The following LSM4 variants were observed in gnomAD, a reference collection of about 807,000 sequenced individuals.
LSM4 encodes the protein LSM4 homolog, U6 small nuclear RNA and mRNA degradation associated.
In LSM4, 15 loss-of-function variants were observed where a neutral mutation model predicts 22.3. The observed-to-expected ratio is 0.67, with a 90% CI of 0.45 to 1.03. The LOEUF (loss-of-function observed/expected upper bound fraction) is 1.03, where lower values mean the gene tolerates loss of function less well. Among genes scored for constraint, LSM4 ranks in the 50% least tolerant of loss-of-function variants. The probability of loss-of-function intolerance (pLI) is 0.00; values close to 1 mark genes in which losing one functional copy is unlikely to be tolerated. For synonymous variants in LSM4, 90 were observed against 79.8 expected (o/e 1.13, Z -0.68); for missense variants, 127 against 198.0 (o/e 0.64, Z 2.15).
intron 1 of LSM4, among the ~76,000 whole-genome samples, chr19:18,322,534 A>G (rs1475888653): frequency 6.6e-6 from 1 of 152,126 alleles, no homozygotes; most frequent in East Asian, 1.9e-4. Flanking sequence ...TCAGCCAGAA[A>G]CCAAGAGGCC....
intron 3 of LSM4, among the ~76,000 whole-genome samples, chr19:18,311,840 G>A (rs550784294): frequency 3.9e-5 from 6 of 152,260 alleles, no homozygotes; most frequent in East Asian, 3.9e-4. Context: ...AGGAAGAAGC[G>A]CCTCCCCCCT....
chr19:18,316,039 A>T lies in LSM4; in HGVS notation c.30T>A (p.Ala10=). MLPLSLLKT[A]QNHPMLVELK... The stretch of plus-strand genomic sequence containing the variant: ...GAGTACTCACCATGGGGTGATTCTG[A>T]GCCGTCTTCAGCAGTGACAAGGGAA... The change falls in exon 2 of 5, where the codon GCT becomes GCA. Residue 10 remains alanine (A), a synonymous_variant. Transcript: ENST00000593829. 6.2e-7 allele frequency: 1 copy of T among 1,613,648 alleles called. No homozygotes were observed. Among genetic ancestry groups the T allele is most frequent in the Non-Finnish European group, 8.5e-7 (1 of 1,179,780 alleles).
intron 2 of LSM4, among the ~76,000 whole-genome samples, chr19:18,314,510 C>T (rs1250956330): frequency 6.6e-6 from 1 of 151,096 alleles, no homozygotes; most frequent in Non-Finnish European, 1.5e-5. Flanking sequence ...GAGCTAGACT[C>T]CCTCTCAAAA....
At chr19:18,311,474 C>T (rs183766742) in intron 3 of LSM4, among the ~76,000 whole-genome samples, 3 of 152,312 alleles carry the variant, frequency 2.0e-5, no homozygotes, top group African/African-American at 7.2e-5. Flanking sequence ...CTGGAGACCA[C>T]GCAGCCTCTG....
intron 3 of LSM4, among the ~76,000 whole-genome samples, chr19:18,310,601 GGGCCA>G (rs1234337633): frequency 5.9e-5 from 9 of 152,240 alleles, no homozygotes; most frequent in African/African-American, 2.2e-4. Context: ...GGATTAGCAG[GGGCCA>G]GGGCCATTCC....
chr19:18,321,464 C>A (rs373892469), intron 1 of LSM4, among the ~76,000 whole-genome samples: 7 of 152,134 alleles, frequency 4.6e-5, no homozygotes, highest in African/African-American at 1.7e-4. Context: ...TTTGCTTATT[C>A]CTAGGTATAG....
Position 18,309,799 on chromosome 19 carries a change from C to T in LSM4, c.207G>A (p.Leu69=). 1 of 1,613,966 alleles carries T rather than the reference C, an allele frequency of 6.2e-7. No individual in the cohort carries two copies. Among genetic ancestry groups the T allele is most frequent in the Non-Finnish European group, 8.5e-7 (1 of 1,179,932 alleles). The change falls in exon 4 of 5, where the codon CTG becomes CTA. Residue 69 remains leucine (L), a synonymous_variant. Transcript: ENST00000593829. ...TGTCGATGATCTCGTCGGGGATGCG[C>T]AGGTACTTGATGGTGCTGCCGCGGA... is the stretch of plus-strand genomic sequence containing the variant. ...CYIRGSTIKY[L]RIPDEIIDMV...
intron 2 of LSM4, among the ~76,000 whole-genome samples, chr19:18,315,339 G>T (rs1433260737): frequency 6.6e-6 from 1 of 152,092 alleles, no homozygotes; most frequent in East Asian, 1.9e-4. Flanking sequence ...ATGGAGAGAC[G>T]TGGTTTCTCC....
Position 18,314,516 on chromosome 19 carries a change from CA to C in LSM4, c.45+1507del, listed in dbSNP as rs55809008. 0.021 allele frequency among the ~76,000 whole-genome samples: 2,896 copies of C among 140,754 alleles called. 229 individuals are homozygous for C. The East Asian group carries it at 0.28, about 13-fold the overall frequency. The allele number at this position is 140,754 out of a possible 152,430, so 92.3% of individuals were successfully genotyped here. ...TGGGCGACAGAGCTAGACTCCCTCT[CA>C]AAAAAAAAAAAGTGGTAAGTATCCG... On this transcript the variant is annotated intron_variant, in intron 2 of 4. Transcript: ENST00000593829.
chr19:18,322,926 G>T (rs1276853463), intron 1 of LSM4, 92 bp downstream of exon 1: 55 of 1,541,156 alleles, frequency 3.6e-5, no homozygotes, highest in Non-Finnish European at 4.6e-5. Context: ...CGTTCGCCCC[G>T]CGCCAACCAA....
chr19:18,307,594 G>A (rs745448624), intron 4 of LSM4, 39 bp from the exon 5 acceptor site: 2 of 1,406,278 alleles, frequency 1.4e-6, no homozygotes, highest in Non-Finnish European at 1.9e-6. Context: ...AGAGCCAGGT[G>A]GGTGGGACCT....
intron 3 of LSM4, chr19:18,312,329 C>G (rs1379050961): frequency 2.5e-6 from 1 of 403,758 alleles, no homozygotes; most frequent in Admixed American, 4.0e-5. Flanking sequence ...CCAGCCTGAG[C>G]CACAGGGAGT....
At chr19:18,322,972 G>C (rs1313647388) in intron 1 of LSM4, 46 bp downstream of exon 1, 3 of 1,589,398 alleles carry the variant, frequency 1.9e-6, no homozygotes, top group Non-Finnish European at 8.5e-7. Context: ...CCCAACGACT[G>C]CTGTTCCCGC....
At chr19:18,309,129 C>CG (rs1366918186) in intron 4 of LSM4, among the ~76,000 whole-genome samples, 1 of 152,134 alleles carries the variant, frequency 6.6e-6, no homozygotes, top group Non-Finnish European at 1.5e-5. Context: ...TGGGGCCTTC[C>CG]GGGGGCAGCC....
In LSM4 at chr19:18,306,995, C is replaced by CGAAGGT. The variant is rs1207698150; in HGVS notation, c.*468_*469insACCTTC. 2.6e-5 allele frequency: 4 copies of CGAAGGT among 156,666 alleles called. No homozygotes were observed. In the Admixed American group the frequency reaches 2.6e-4, roughly 10 times the overall value. The allele number at this position is 156,666 out of a possible 1,614,324, so 9.7% of individuals were successfully genotyped here. ...GGCCCGAGGCATCCCCTGCACGGTT[C>CGAAGGT]GAAGGCTTTCAACCGTCCCGGGTTT... On this transcript the variant is annotated 3_prime_UTR_variant, in exon 5 of 5. Transcript: ENST00000593829.
chr19:18,322,556 G>A (rs1006432698), intron 1 of LSM4, among the ~76,000 whole-genome samples: 3 of 152,138 alleles, frequency 2.0e-5, no homozygotes, highest in Admixed American at 6.6e-5. Context: ...AGGAGGCTGT[G>A]CTGCTAGCAT....
At chr19:18,321,670 A>G (rs1289791596) in intron 1 of LSM4, among the ~76,000 whole-genome samples, 1 of 152,178 alleles carries the variant, frequency 6.6e-6, no homozygotes, top group African/African-American at 2.4e-5. Context: ...AAACTCCCCA[A>G]ATTGCTCCTT....
chr19:18,312,375 C>T, intron 3 of LSM4: 1 of 502,872 alleles, frequency 2.0e-6, no homozygotes, highest in South Asian at 2.1e-5. Flanking sequence ...AGGGGTGGCA[C>T]CAACAGACAC....
chr19:18,316,793 G>T (rs931540896), intron 1 of LSM4, among the ~76,000 whole-genome samples: 7 of 152,128 alleles, frequency 4.6e-5, no homozygotes, highest in Non-Finnish European at 4.4e-5. Context: ...GACAGAGCTG[G>T]CCTGGTCCTG....
Sources: gnomAD v4.1 joint callset for allele counts (sites outside exome capture counted in the v4.1 genomes callset) on GRCh38, gnomAD v4.1.1 for gene constraint, MANE v1.5 for transcripts, NCBI Gene and HGNC (gene_info 2026-07-23, HGNC 2026-07-21) for gene names.